Variants in PRCP observed in about 807,000 individuals in gnomAD.
PRCP encodes the protein lysosomal Pro-X carboxypeptidase.
In PRCP, 46 loss-of-function variants were observed where a neutral mutation model predicts 54.2. The observed-to-expected ratio is 0.85, with a 90% CI of 0.67 to 1.09. The LOEUF (loss-of-function observed/expected upper bound fraction) is 1.09, where lower values mean the gene tolerates loss of function less well. PRCP is among the 50% of genes least tolerant of loss of function. The pLI is 0.00. For missense variants in PRCP, 613 were observed against 596.8 expected, an observed-to-expected ratio of 1.03 and a Z score of -0.28; for synonymous variants, 240 against 212.2, an observed-to-expected ratio of 1.13 and a Z score of -1.14.
At position 82,852,006 on chromosome 11, in the gene PRCP, G is replaced by A. The variant is rs572030478; in HGVS notation, c.411+1171C>T. ...CCTTCATGCTACTGACATATTCTGT[G>A]AGCACACAAAGGGAAAGAAGTATAT... On this transcript the variant is annotated intron_variant, in intron 3 of 8. Coordinates refer to ENST00000313010, the MANE Select transcript of PRCP (RefSeq NM_005040.4). Among the ~76,000 whole-genome samples, 40 of 152,042 alleles carry A rather than the reference G, an allele frequency of 2.6e-4. 1 individual carries two copies. Among genetic ancestry groups the A allele is most frequent in the African/African-American group, 9.6e-4 (40 of 41,454 alleles).
At chr11:82,865,904 A>G (rs584337) in intron 1 of PRCP, among the ~76,000 whole-genome samples, 145,032 of 152,234 alleles carry the variant, frequency 0.95, 69,122 homozygotes, top group East Asian at 1. Flanking sequence ...GGACTAAAAC[A>G]TGGAAGGAAG....
chr11:82,845,461 T>A (rs1016669532), intron 6 of PRCP: 2 of 152,154 alleles, frequency 1.3e-5, no homozygotes, highest in African/African-American at 4.8e-5. Flanking sequence ...ATTAAGCAGA[T>A]ACATTCAGCT....
chr11:82,879,810 CCT>C (rs1412079621), intron 1 of PRCP, among the ~76,000 whole-genome samples: 1 of 152,146 alleles, frequency 6.6e-6, no homozygotes, highest in Non-Finnish European at 1.5e-5. Flanking sequence ...CCTTCCAGAC[CCT>C]GTTTGCCTGG....
intron 2 of PRCP, among the ~76,000 whole-genome samples, chr11:82,855,251 A>G (rs971945751): frequency 1.3e-5 from 2 of 152,250 alleles, no homozygotes; most frequent in African/African-American, 4.8e-5. Context: ...GACCACCTAC[A>G]GAATGAGAGA....
At chr11:82,889,833 T>A (rs187518125) in intron 1 of PRCP, among the ~76,000 whole-genome samples, 21 of 151,900 alleles carry the variant, frequency 1.4e-4, no homozygotes, top group African/African-American at 3.1e-4. Context: ...CAATAAAGAG[T>A]CGCAGTTTCT....
chr11:82,834,480 T>G (rs958987831), intron 8 of PRCP, among the ~76,000 whole-genome samples: 2 of 152,218 alleles, frequency 1.3e-5, no homozygotes, highest in African/African-American at 4.8e-5. Flanking sequence ...GTAAGGAAAT[T>G]AAACAAAAAG....
intron 1 of PRCP, among the ~76,000 whole-genome samples, chr11:82,864,227 T>C (rs1859278338): frequency 6.6e-6 from 1 of 152,210 alleles, no homozygotes; most frequent in South Asian, 2.1e-4. Context: ...TTCACCTAGG[T>C]GCTAAACAAC....
chr11:82,856,216 T>C (rs1379532578), intron 2 of PRCP, among the ~76,000 whole-genome samples: 3 of 152,164 alleles, frequency 2.0e-5, no homozygotes, highest in East Asian at 3.8e-4. Context: ...ACACATGCAC[T>C]TGTATGTTCA....
chr11:82,827,378 G>T (rs1445171259), intron 8 of PRCP: 1 of 152,104 alleles, frequency 6.6e-6, no homozygotes, highest in Non-Finnish European at 1.5e-5. Context: ...TCCTCTATGA[G>T]ATTTATCATT....
chr11:82,836,196 G>GAAAAAA (rs1171193255), intron 8 of PRCP: 5 of 125,282 alleles, frequency 4.0e-5, no homozygotes, highest in Admixed American at 8.1e-5. Flanking sequence ...CCATCTCGAG[G>GAAAAAA]AAAAAAAAAA....
At chr11:82,872,126 TA>T (rs1383429671) in intron 1 of PRCP, among the ~76,000 whole-genome samples, 1 of 152,210 alleles carries the variant, frequency 6.6e-6, no homozygotes, top group Non-Finnish European at 1.5e-5. Flanking sequence ...AATTTATAAA[TA>T]AAACTTTATC....
At chr11:82,870,497 T>C (rs967078299) in intron 1 of PRCP, among the ~76,000 whole-genome samples, 3 of 152,326 alleles carry the variant, frequency 2.0e-5, no homozygotes, top group Non-Finnish European at 2.9e-5. Context: ...GCAAGAGTTA[T>C]CTTTCTAATT....
chr11:82,833,691 A>G (rs1858448303), intron 8 of PRCP, among the ~76,000 whole-genome samples: 1 of 152,084 alleles, frequency 6.6e-6, no homozygotes, highest in Admixed American at 6.6e-5. Flanking sequence ...TATTTGCCAG[A>G]TCTGGGCCAA....
At chr11:82,900,814 AC>A (rs1442851275), upstream of PRCP, 3 of 463,430 alleles carry the variant, frequency 6.5e-6, no homozygotes, top group African/African-American at 6.0e-5. Context: ...TGCCCTGGCC[AC>A]CGCAATTCCA....
Position 82,839,414 on chromosome 11 carries a change from CT to C in PRCP, c.932del (p.Gln311ArgfsTer3). 6.2e-7 allele frequency: 1 copy of C among 1,611,248 alleles called. No homozygotes were observed. Among genetic ancestry groups the C allele is most frequent in the Non-Finnish European group, 8.5e-7 (1 of 1,178,140 alleles). ...CAGATACATTGGGATTTTTCAAATA[CT>C]GGCACACTACCTGTCATTTTAGAAA... ...LPAWPIKVVCQYLKNPNVSDS... is the reference protein window; with the variant it reads ...LPAWPIKVVCXYLKNPNVSDS... On this transcript the variant is annotated frameshift_variant, in exon 7 of 9. Transcript: ENST00000313010. LOFTEE classifies it high-confidence loss of function.
chr11:82,842,787 A>G (rs1858706495), intron 6 of PRCP, among the ~76,000 whole-genome samples: 1 of 152,058 alleles, frequency 6.6e-6, no homozygotes, highest in Admixed American at 6.5e-5. Flanking sequence ...TTTTTGCAAA[A>G]TATTTGCAAA....
upstream of PRCP, chr11:82,901,624 T>C (rs967206683): frequency 2.0e-5 from 3 of 152,460 alleles, no homozygotes; most frequent in African/African-American, 7.2e-5. Context: ...CGTTTCCAGA[T>C]GCTTGTAGGA....
chr11:82,857,458 T>TCAAGAGCTGTTAGATCTCCTTGCTAGAA (rs571079232), intron 2 of PRCP, among the ~76,000 whole-genome samples: 101 of 152,340 alleles, frequency 6.6e-4, no homozygotes, highest in African/African-American at 2.3e-3. Context: ...AGCACCATCA[T>TCAAGAGCTGTTAGATCTCCTTGCTAGAA]CAAGAGCTGT....
intron 1 of PRCP, among the ~76,000 whole-genome samples, chr11:82,870,072 A>T (rs1462747681): frequency 6.6e-6 from 1 of 152,270 alleles, no homozygotes; most frequent in Non-Finnish European, 1.5e-5. Flanking sequence ...AATATAATTG[A>T]TCTTGGTGAC....
Sources: allele counts gnomAD v4.1 joint callset (sites outside exome capture counted in the v4.1 genomes callset), GRCh38; gene constraint gnomAD v4.1.1; transcripts MANE v1.5; gene names NCBI Gene and HGNC (gene_info 2026-07-23, HGNC 2026-07-21).